The following DNAJC27 variants were observed in gnomAD, a reference collection of about 807,000 sequenced individuals.
DNAJC27 encodes dnaJ homolog subfamily C member 27.
A neutral mutation model predicts 31.4 loss-of-function variants in DNAJC27; 25 were observed. The observed-to-expected ratio is 0.80, with a 90% CI of 0.58 to 1.11. The LOEUF is 1.11. DNAJC27 is among the 50% of genes most tolerant of loss of function. The probability of loss-of-function intolerance (pLI) is 0.00; values close to 1 mark genes in which losing one functional copy is unlikely to be tolerated. For synonymous variants in DNAJC27, 106 were observed against 112.7 expected (o/e 0.94, Z 0.37); for missense variants, 356 against 347.3 (o/e 1.02, Z -0.20).
chr2:24,952,697 C>T (rs1419160741), intron 5 of DNAJC27, among the ~76,000 whole-genome samples: 2 of 152,020 alleles, frequency 1.3e-5, no homozygotes, highest in Non-Finnish European at 2.9e-5. Flanking sequence ...AAAAGCTGTA[C>T]CAGTTTACAT....
At chr2:24,957,282 T>G in intron 4 of DNAJC27, 117 bp from the exon 5 acceptor site, 2 of 1,122,854 alleles carry the variant, frequency 1.8e-6, no homozygotes, top group East Asian at 5.3e-5. Flanking sequence ...AGTAAATGCC[T>G]GCACTAGTGT....
chr2:24,951,015 C>T (rs1665761409), intron 6 of DNAJC27, among the ~76,000 whole-genome samples: 1 of 152,174 alleles, frequency 6.6e-6, no homozygotes, highest in Admixed American at 6.5e-5. Context: ...CACTGAATCC[C>T]AGTTTTCCCA....
intron 1 of DNAJC27, among the ~76,000 whole-genome samples, chr2:24,971,093 A>G (rs1056643272): frequency 6.6e-6 from 1 of 152,194 alleles, no homozygotes; most frequent in African/African-American, 2.4e-5. Context: ...CCCAAAAGGA[A>G]AGAATTTGAG....
intron 6 of DNAJC27, among the ~76,000 whole-genome samples, chr2:24,948,534 G>A (rs1039419200): frequency 2.0e-5 from 3 of 152,158 alleles, no homozygotes; most frequent in Non-Finnish European, 4.4e-5. Context: ...AGTCCAGAAT[G>A]ACAATGAGCT....
At chr2:24,958,015 G>C in intron 3 of DNAJC27, 41 bp from the exon 4 acceptor site, 1 of 1,580,690 alleles carries the variant, frequency 6.3e-7, no homozygotes, top group Non-Finnish European at 8.6e-7. Flanking sequence ...TAGTTTTTGT[G>C]ATGTTATAAG....
intron 5 of DNAJC27, among the ~76,000 whole-genome samples, chr2:24,956,407 G>C (rs1665905353): frequency 6.6e-6 from 1 of 152,242 alleles, no homozygotes; most frequent in Admixed American, 6.5e-5. Flanking sequence ...GTGGCCATCT[G>C]TTCAGGTTGT....
rs1222175762 is a variant in DNAJC27, at chr2:24,963,388, C to T, written c.240+17G>A. ...CAACAATACTGGATATAGGTTTTGT[C>T]AAAAAGGCTTTCTTACCTCATAGAA... On this transcript the variant is annotated intron_variant, in intron 3 of 6. Transcript: ENST00000264711. 9.9e-6 allele frequency: 16 copies of T among 1,608,442 alleles called. No individual in the cohort carries two copies. Among genetic ancestry groups the T allele is most frequent in the Non-Finnish European group, 1.3e-5 (15 of 1,175,714 alleles).
Position 24,971,867 on chromosome 2 carries a change from C to G in DNAJC27, c.38G>C (p.Arg13Thr). ...ANMPKRKEPG[R>T]SLRIKVISMG... ...GGAGATGACTTTGATGCGGAGAGAC[C>G]TGCCGGGCTCCTTCCGCTTCGGCAT... The change falls in exon 1 of 7, where the codon AGG becomes ACG. Residue 13 changes from arginine to threonine, a missense_variant. Physicochemically the swap from Arg to Thr is moderately conservative, Grantham distance 71. Coordinates refer to ENST00000264711, the MANE Select transcript of DNAJC27 (RefSeq NM_016544.3). The G allele has an allele frequency of 6.2e-7, 1 of 1,609,606 alleles. No homozygotes were observed. The highest frequency in any genetic ancestry group is 8.5e-7 in the Non-Finnish European group (1 of 1,178,426).
intron 5 of DNAJC27, among the ~76,000 whole-genome samples, chr2:24,953,875 T>C (rs1298489278): frequency 6.6e-6 from 1 of 152,220 alleles, no homozygotes; most frequent in Admixed American, 6.5e-5. Context: ...GTTCCAGCCA[T>C]GACAGAGTAA....
At chr2:24,972,045 T>A (rs2149135014), upstream of DNAJC27, 1 of 609,534 alleles carries the variant, frequency 1.6e-6, no homozygotes, top group Non-Finnish European at 2.6e-6. Context: ...CGCCGCTGCC[T>A]GGCAGCAGGC....
In DNAJC27 at chr2:24,967,311, AC is replaced by A; in HGVS notation, c.88-19del. Reference sequence around the variant, plus strand: ...ATACAGCTCTAAAAAGGTAAAAAATACAGGCATTTAGTAAATACATAGTGAG... The same window carrying A: ...ATACAGCTCTAAAAAGGTAAAAAATAAGGCATTTAGTAAATACATAGTGAG... On this transcript the variant is annotated intron_variant, in intron 1 of 6. Coordinates refer to ENST00000264711, the MANE Select transcript of DNAJC27 (RefSeq NM_016544.3). The A allele has an allele frequency of 6.5e-7, 1 of 1,530,588 alleles. No homozygotes were observed. Among genetic ancestry groups the A allele is most frequent in the Non-Finnish European group, 9.0e-7 (1 of 1,105,374 alleles). The allele number at this position is 1,530,588 out of a possible 1,614,324, so 94.8% of individuals were successfully genotyped here.
Position 24,953,029 on chromosome 2 carries a change from G to A in DNAJC27, c.529-1475C>T, listed in dbSNP as rs577490722. 2.4e-4 allele frequency among the ~76,000 whole-genome samples: 36 copies of A among 152,066 alleles called. No individual in the cohort carries two copies. In the South Asian group the frequency reaches 7.5e-3, roughly 32 times the overall value. On this transcript the variant is annotated intron_variant, in intron 5 of 6. Coordinates refer to ENST00000264711, the MANE Select transcript of DNAJC27 (RefSeq NM_016544.3). ...GCCTCCTGAGCAGCTGGGATTACAG[G>A]TATGTGCCACTGCACCTGGCTACAC...
chr2:24,954,892 C>A (rs559295942), intron 5 of DNAJC27, among the ~76,000 whole-genome samples: 9 of 152,176 alleles, frequency 5.9e-5, no homozygotes, highest in East Asian at 3.9e-4. Context: ...GCCGAGATTG[C>A]GCCACTGCAC....
At chr2:24,967,426 C>T (rs1016112315) in intron 1 of DNAJC27, 133 bp from the exon 2 acceptor site, 19 of 702,522 alleles carry the variant, frequency 2.7e-5, no homozygotes, top group Non-Finnish European at 4.3e-5. Context: ...AGTGGCGGGG[C>T]GCGGTGGCTC....
At chr2:24,971,952 CGCTG>C in exon 1 of DNAJC27, 8 of 1,423,142 alleles carry the variant, frequency 5.6e-6, no homozygotes, top group Non-Finnish European at 7.5e-6. Flanking sequence ...TCTTGTGCAC[CGCTG>C]GCCCGTCCCT....
At chr2:24,959,629 G>A (rs1203811494) in intron 3 of DNAJC27, among the ~76,000 whole-genome samples, 1 of 152,114 alleles carries the variant, frequency 6.6e-6, no homozygotes, top group Non-Finnish European at 1.5e-5. Flanking sequence ...CCTTCAAACT[G>A]GGGAATCTCT....
chr2:24,950,506 A>C (rs1465195379), intron 6 of DNAJC27, among the ~76,000 whole-genome samples: 1 of 152,232 alleles, frequency 6.6e-6, no homozygotes, highest in East Asian at 1.9e-4. Flanking sequence ...ATAGTGATTG[A>C]ATTTTTTTCT....
intron 6 of DNAJC27, among the ~76,000 whole-genome samples, chr2:24,950,873 A>C (rs951352893): frequency 6.7e-6 from 1 of 150,232 alleles, no homozygotes; most frequent in Non-Finnish European, 1.5e-5. Context: ...AAAAAAAAAT[A>C]AACAAATACA....
At chr2:24,966,863 T>C (rs1220212657) in intron 2 of DNAJC27, among the ~76,000 whole-genome samples, 1 of 152,230 alleles carries the variant, frequency 6.6e-6, no homozygotes, top group Non-Finnish European at 1.5e-5. Flanking sequence ...AGAGAATATT[T>C]CAAAATGCTC....
Sources: gnomAD v4.1 joint callset for allele counts (sites outside exome capture counted in the v4.1 genomes callset) on GRCh38, gnomAD v4.1.1 for gene constraint, MANE v1.5 for transcripts, NCBI Gene and HGNC (gene_info 2026-07-23, HGNC 2026-07-21) for gene names.